MROH1: variants seen among roughly 807,000 people sequenced by gnomAD.
The protein encoded by MROH1 is maestro heat-like repeat-containing protein family member 1.
In MROH1, 117 loss-of-function variants were observed where a neutral mutation model predicts 116.5. That is an observed-to-expected ratio of 1.00 (90% CI 0.86 to 1.17). The LOEUF is 1.17. Ranked by LOEUF, MROH1 falls within the 50% of genes most tolerant of loss-of-function variation. MROH1 has a pLI of 0.00. For synonymous variants in MROH1, 921 were observed against 583.9 expected (o/e 1.58, Z -8.32); for missense variants, 1,873 against 1,338.5 (o/e 1.40, Z -6.23).
At chr8:144,190,981 C>T in intron 8 of MROH1, 46 bp downstream of exon 8, 4 of 1,565,604 alleles carry the variant, frequency 2.6e-6, no homozygotes, top group Non-Finnish European at 3.5e-6. Context: ...CCAGGGCTCT[C>T]TCCTCCCCAC....
chr8:144,191,956 G>C, intron 9 of MROH1, 101 bp downstream of exon 9: 1 of 1,410,054 alleles, frequency 7.1e-7, no homozygotes, highest in Non-Finnish European at 9.7e-7. Flanking sequence ...TGGTGGGTGG[G>C]GGTGGCCCTG....
intron 35 of MROH1, among the ~76,000 whole-genome samples, chr8:144,256,314 C>T (rs951433029): frequency 1.3e-5 from 2 of 151,918 alleles, no homozygotes; most frequent in Non-Finnish European, 2.9e-5. Context: ...CCCAGGAGGG[C>T]TCTGGTTCCA....
At position 144,163,861 on chromosome 8, in the gene MROH1, G is replaced by A; in HGVS notation, c.22+13G>A. The A allele has an allele frequency of 1.2e-6, 2 of 1,613,494 alleles. No homozygotes were observed. Among genetic ancestry groups the A allele is most frequent in the Non-Finnish European group, 1.7e-6 (2 of 1,179,636 alleles). On this transcript the variant is annotated intron_variant, in intron 3 of 43. Coordinates refer to ENST00000326134, the MANE Select transcript of MROH1 (RefSeq NM_032450.3). The surrounding 1 kb of genome is among the most constrained non-coding windows in gnomAD (Gnocchi z 4.4). The stretch of plus-strand genomic sequence containing the variant: ...TCCTCCATGAAGAGTGAGTGCATGG[G>A]GATTGGGAGTGGCCGGGTGTGAGGC...
chr8:144,186,288 A>AT (rs1255047544), intron 7 of MROH1, among the ~76,000 whole-genome samples: 2 of 151,748 alleles, frequency 1.3e-5, no homozygotes, highest in Non-Finnish European at 2.9e-5. Context: ...CACCCAGCTA[A>AT]TTTTTGTATT....
intron 7 of MROH1, among the ~76,000 whole-genome samples, chr8:144,184,659 A>G (rs1181628329): frequency 6.6e-6 from 1 of 152,200 alleles, no homozygotes; most frequent in Non-Finnish European, 1.5e-5. Flanking sequence ...CCAGCTGGAC[A>G]GGGGTCTGGG....
At chr8:144,153,486 T>C (rs912142704) in intron 1 of MROH1, among the ~76,000 whole-genome samples, 2 of 152,142 alleles carry the variant, frequency 1.3e-5, no homozygotes, top group African/African-American at 4.8e-5. Flanking sequence ...TGTGAGCCAC[T>C]GCGCCCAGCC....
At chr8:144,187,364 G>A (rs1463855290) in intron 7 of MROH1, among the ~76,000 whole-genome samples, 1 of 151,898 alleles carries the variant, frequency 6.6e-6, no homozygotes, top group Non-Finnish European at 1.5e-5. Context: ...GAGCTAAGTT[G>A]GTGTCACTAC....
At chr8:144,192,609 TAGC>T (rs932694040) in intron 10 of MROH1, 5 of 697,172 alleles carry the variant, frequency 7.2e-6, no homozygotes, top group East Asian at 2.7e-5. Context: ...GCAGGTGACA[TAGC>T]AGCCCCCAGG....
At position 144,241,078 on chromosome 8, in the gene MROH1, G is replaced by A; in HGVS notation, c.2022G>A (p.Glu674=). Residue 674 remains glutamate, a synonymous_variant, in exon 21 of 44, where the codon GAG becomes GAA. Transcript: ENST00000326134. ...GGAAGCACCTTCAAGAGCTGCTGGA[G>A]ACGGCCAGATACCAGGAGGAGGCAG... is the stretch of plus-strand genomic sequence containing the variant. ...VVRKHLQELL[E]TARYQEEAER... The A allele has an allele frequency of 1.3e-6, 1 of 774,518 alleles. No homozygotes were observed. Among genetic ancestry groups the A allele is most frequent in the South Asian group, 1.4e-5 (1 of 73,300 alleles). 48.0% of individuals were successfully genotyped at this position (774,518 alleles called of 1,614,324 possible). A position where few individuals can be genotyped will look rare whatever the true frequency, so the allele number is the denominator to read the frequency against.
chr8:144,254,903 C>T lies in MROH1; in HGVS notation c.3519C>T (p.Asp1173=), dbSNP rs1001464590. Residue 1173 remains aspartate (D), a synonymous_variant, in exon 34 of 44, where the codon GAC becomes GAT. Transcript: ENST00000326134. ...LGLLLEKMSR[D]VPFKESRAFL... is the part of the protein sequence containing the mutation. ...TGCTGCTGGAGAAGATGAGTAGGGA[C>T]GTCCCTTTCAAGGAGAGCCGGGCCT... The T allele has an allele frequency of 7.2e-5, 56 of 778,064 alleles. No individual in the cohort carries two copies. The highest frequency in any genetic ancestry group is 3.2e-4 in the Admixed American group (19 of 58,912). The allele number at this position is 778,064 out of a possible 1,614,324, so 48.2% of individuals were successfully genotyped here.
intron 12 of MROH1, among the ~76,000 whole-genome samples, chr8:144,204,155 G>A (rs74756224): frequency 6.6e-6 from 1 of 152,136 alleles, no homozygotes; most frequent in Non-Finnish European, 1.5e-5. Flanking sequence ...CTTTCACCCA[G>A]GTTGGAATGC....
chr8:144,158,382 C>G (rs2130752045), intron 1 of MROH1, among the ~76,000 whole-genome samples: 1 of 152,300 alleles, frequency 6.6e-6, no homozygotes, highest in South Asian at 2.1e-4. Flanking sequence ...ACCTTGGCCT[C>G]CCAAAGTGCT....
At chr8:144,226,777 G>C (rs1395188336) in intron 14 of MROH1, among the ~76,000 whole-genome samples, 2 of 152,164 alleles carry the variant, frequency 1.3e-5, no homozygotes, top group African/African-American at 4.8e-5. Context: ...TCTGGAGTCA[G>C]GTAATGTGAG....
At position 144,180,247 on chromosome 8, in the gene MROH1, A is replaced by C. The variant is rs769495343; in HGVS notation, c.370A>C (p.Lys124Gln). 9 of 1,612,380 alleles carry C rather than the reference A, an allele frequency of 5.6e-6. No homozygotes were observed. The African/African-American group carries it at 1.2e-4, about 22-fold the overall frequency. Residue 124 changes from lysine (K) to glutamine (Q), a missense_variant, in exon 6 of 44, where the codon AAG (lysine) becomes CAG (glutamine). Transcript: ENST00000326134. This position sits in a 1 kb window ranked among gnomAD's most constrained non-coding sequence, Gnocchi z 7.4. ...GGCCGTGGGAAGACAGTTCATCAGC[A>C]AGGTGATGGAGGAGCTGCTGCGCAG... is the stretch of plus-strand genomic sequence containing the variant. ...LVAVGRQFIS[K>Q]VMEELLRRLH...
At chr8:144,199,507 C>T (rs1830640662) in intron 11 of MROH1, among the ~76,000 whole-genome samples, 2 of 152,200 alleles carry the variant, frequency 1.3e-5, no homozygotes, top group Admixed American at 6.5e-5. Context: ...TTTCTCCACA[C>T]CCAATCTCTG....
chr8:144,248,903 C>G lies in MROH1; in HGVS notation c.3147C>G (p.Asp1049Glu). The G allele has an allele frequency of 1.3e-6, 1 of 778,906 alleles. No individual in the cohort carries two copies. The highest frequency in any genetic ancestry group is 2.4e-5 in the East Asian group (1 of 41,186). The allele number at this position is 778,906 out of a possible 1,614,324, so 48.2% of individuals were successfully genotyped here. ...TTATTGCCAAGCGCCTCCCCCCAGA[C>G]CAGCTCATCAGCCTCTTGCTAACCA... ...GQIIAKRLPPDQLISLLLTMF... is the reference protein window; with the variant it reads ...GQIIAKRLPPEQLISLLLTMF... Residue 1049 changes from aspartate (D) to glutamate (E), a missense_variant, in exon 32 of 44, where the codon GAC becomes GAG. By Grantham distance (45) the Asp-to-Glu change is conservative (BLOSUM62 2). Coordinates refer to ENST00000326134, the MANE Select transcript of MROH1 (RefSeq NM_032450.3).
At chr8:144,213,275 G>A in intron 12 of MROH1, 1 of 593,270 alleles carries the variant, frequency 1.7e-6, no homozygotes, top group Non-Finnish European at 3.0e-6. Flanking sequence ...GGTTCCGTGG[G>A]AAGAGCTCAT....
intron 10 of MROH1, among the ~76,000 whole-genome samples, chr8:144,193,570 A>G (rs189399234): frequency 6.2e-4 from 95 of 152,300 alleles, no homozygotes; most frequent in Non-Finnish European, 1.0e-3. Flanking sequence ...ACTGAACCCA[A>G]GACCATACTT....
chr8:144,248,254 G>A (rs1417992770), intron 31 of MROH1, among the ~76,000 whole-genome samples: 1 of 152,166 alleles, frequency 6.6e-6, no homozygotes, highest in Non-Finnish European at 1.5e-5. Context: ...CTACTCTGAG[G>A]CTCAGCTCAC....
Sources: gnomAD v4.1 joint callset for allele counts (sites outside exome capture counted in the v4.1 genomes callset) on GRCh38, gnomAD v4.1.1 for gene constraint, Gnocchi (gnomAD v3.1) non-coding constraint, MANE v1.5 for transcripts, NCBI Gene and HGNC (gene_info 2026-07-23, HGNC 2026-07-21) for gene names.